Variants in NME9 observed in about 807,000 individuals in gnomAD.
NME9 encodes NME/NM23 family member 9, also known as thioredoxin domain-containing protein 6.
A neutral mutation model predicts 44.4 loss-of-function variants in NME9; 48 were observed. The observed-to-expected ratio is 1.08, with a 90% CI of 0.86 to 1.37. The LOEUF (loss-of-function observed/expected upper bound fraction) is 1.37, where lower values mean the gene tolerates loss of function less well. NME9 is among the 40% of genes most tolerant of loss of function. The probability of loss-of-function intolerance (pLI) is 0.00; values close to 1 mark genes in which losing one functional copy is unlikely to be tolerated. For missense variants in NME9, 325 were observed against 405.2 expected, an observed-to-expected ratio of 0.80 and a Z score of 1.70; for synonymous variants, 139 against 147.1, an observed-to-expected ratio of 0.94 and a Z score of 0.40.
chr3:138,317,671 G>A (rs913646667), intron 4 of NME9, among the ~76,000 whole-genome samples: 1 of 152,206 alleles, frequency 6.6e-6, no homozygotes, highest in African/African-American at 2.4e-5. Context: ...GCCCCATAAA[G>A]GAGTATCTAT....
intron 8 of NME9, among the ~76,000 whole-genome samples, chr3:138,295,215 C>A (rs1377032868): frequency 2.0e-5 from 3 of 152,084 alleles, no homozygotes; most frequent in Non-Finnish European, 2.9e-5. Context: ...CTATCTTTTC[C>A]TTTCCACCTG....
intron 8 of NME9, among the ~76,000 whole-genome samples, chr3:138,271,468 G>A (rs915553562): frequency 2.0e-5 from 3 of 152,270 alleles, no homozygotes; most frequent in South Asian, 2.1e-4. Flanking sequence ...CTTAAATGGC[G>A]TATGGGACTT....
At chr3:138,273,545 A>T (rs1466863046) in intron 8 of NME9, among the ~76,000 whole-genome samples, 1 of 152,154 alleles carries the variant, frequency 6.6e-6, no homozygotes, top group Non-Finnish European at 1.5e-5. Context: ...TACGGGATTG[A>T]CCTCTGAAGA....
At chr3:138,263,948 G>C in intron 8 of NME9, 1 of 1,036,310 alleles carries the variant, frequency 9.6e-7, no homozygotes, top group Non-Finnish European at 1.5e-6. Flanking sequence ...TGAATTCATA[G>C]AGTATATAAC....
chr3:138,307,907 T>C (rs1368101517), intron 6 of NME9, among the ~76,000 whole-genome samples: 1 of 152,216 alleles, frequency 6.6e-6, no homozygotes, highest in Non-Finnish European at 1.5e-5. Context: ...GGTAACTACC[T>C]GTTGGTGCCA....
chr3:138,267,165 A>G (rs1281364879), intron 8 of NME9: 1 of 1,563,076 alleles, frequency 6.4e-7, no homozygotes, highest in Admixed American at 1.9e-5. Context: ...GTTTTACAAA[A>G]TGCACCAGAT....
chr3:138,268,836 A>G (rs1401084162), intron 8 of NME9, among the ~76,000 whole-genome samples: 1 of 152,158 alleles, frequency 6.6e-6, no homozygotes, highest in Non-Finnish European at 1.5e-5. Flanking sequence ...GAAATGCTAT[A>G]AGAGCATTTT....
At chr3:138,319,636 A>G (rs1028594635) in intron 2 of NME9, 55 bp from the exon 3 acceptor site, 2 of 902,072 alleles carry the variant, frequency 2.2e-6, no homozygotes, top group Non-Finnish European at 1.9e-6. Flanking sequence ...CCACCACACC[A>G]TGCATAATTT....
intron 8 of NME9, chr3:138,263,846 A>G: frequency 6.2e-7 from 1 of 1,602,364 alleles, no homozygotes; most frequent in Non-Finnish European, 8.6e-7. Flanking sequence ...TGGTCTGAAT[A>G]AAAACCTTTT....
intron 8 of NME9, among the ~76,000 whole-genome samples, chr3:138,269,391 CATAA>C (rs922158157): frequency 3.3e-5 from 5 of 152,048 alleles, no homozygotes; most frequent in Non-Finnish European, 5.9e-5. Flanking sequence ...AGTCAAGTAT[CATAA>C]ATAAAGTTAA....
At chr3:138,312,855 C>G (rs972963902) in intron 6 of NME9, among the ~76,000 whole-genome samples, 4 of 152,150 alleles carry the variant, frequency 2.6e-5, no homozygotes, top group Admixed American at 1.3e-4. Flanking sequence ...CAAACTATCC[C>G]TCCGACAAGG....
At chr3:138,285,237 T>C (rs1369760201) in intron 8 of NME9, among the ~76,000 whole-genome samples, 1 of 152,188 alleles carries the variant, frequency 6.6e-6, no homozygotes, top group African/African-American at 2.4e-5. Context: ...CCTCATTCTT[T>C]AGACCTCACC....
intron 8 of NME9, among the ~76,000 whole-genome samples, chr3:138,286,685 A>AT (rs975926217): frequency 7.3e-5 from 11 of 151,600 alleles, no homozygotes; most frequent in East Asian, 1.9e-4. Flanking sequence ...GGGCATCAGG[A>AT]TTTTTTTTTA....
intron 8 of NME9, among the ~76,000 whole-genome samples, 157 bp from the exon 9 acceptor site, chr3:138,305,184 C>T (rs1209325083): frequency 6.6e-6 from 1 of 152,220 alleles, no homozygotes; most frequent in African/African-American, 2.4e-5. Context: ...CACCCTGTCT[C>T]TGCCTGGCCA....
chr3:138,323,686 G>A (rs1482702993), intron 2 of NME9, among the ~76,000 whole-genome samples: 1 of 152,208 alleles, frequency 6.6e-6, no homozygotes, highest in Non-Finnish European at 1.5e-5. Context: ...GCTTGAATGG[G>A]CTTGAATGCT....
intron 1 of NME9, 112 bp from the exon 2 acceptor site, chr3:138,325,042 G>C: frequency 1.2e-6 from 1 of 837,554 alleles, no homozygotes; most frequent in Non-Finnish European, 2.0e-6. Flanking sequence ...TACAAGTACA[G>C]TTCAAGTTAT....
At chr3:138,328,654 T>C (rs1401824549) in intron 1 of NME9, among the ~76,000 whole-genome samples, 1 of 152,130 alleles carries the variant, frequency 6.6e-6, no homozygotes, top group Non-Finnish European at 1.5e-5. Context: ...AATTCCAGGG[T>C]CTATGCCTGC....
chr3:138,267,364 G>A, intron 8 of NME9: 1 of 569,604 alleles, frequency 1.8e-6, no homozygotes, highest in Non-Finnish European at 3.1e-6. Flanking sequence ...GGAATTGTTT[G>A]ATTGCATAGC....
chr3:138,280,198 C>A (rs2049747330), intron 8 of NME9, among the ~76,000 whole-genome samples: 1 of 152,138 alleles, frequency 6.6e-6, no homozygotes, highest in Non-Finnish European at 1.5e-5. Context: ...GCCACTGTGC[C>A]TGGCTGGTAA....
Sources: allele counts gnomAD v4.1 joint callset (sites outside exome capture counted in the v4.1 genomes callset), GRCh38; gene constraint gnomAD v4.1.1; transcripts MANE v1.5; gene names NCBI Gene and HGNC (gene_info 2026-07-23, HGNC 2026-07-21).